Variants in TTLL9 observed in about 807,000 individuals in gnomAD.
TTLL9 encodes probable tubulin polyglutamylase TTLL9.
TTLL9 carries 47 observed loss-of-function variants against 65.6 expected under a neutral mutation model. That is an observed-to-expected ratio of 0.72 (90% CI 0.57 to 0.91). The LOEUF is 0.91. Among genes scored for constraint, TTLL9 ranks in the 40% least tolerant of loss-of-function variants. The probability of loss-of-function intolerance (pLI) is 0.00; values close to 1 mark genes in which losing one functional copy is unlikely to be tolerated. For synonymous variants in TTLL9, 179 were observed against 204.8 expected (o/e 0.87, Z 1.07); for missense variants, 537 against 568.8 (o/e 0.94, Z 0.57).
At chr20:31,890,470 G>A (rs750132677) in intron 3 of TTLL9, among the ~76,000 whole-genome samples, 8 of 151,942 alleles carry the variant, frequency 5.3e-5, no homozygotes, top group South Asian at 2.1e-4. Flanking sequence ...ATTGTGTATC[G>A]CAAGTTATTT....
At chr20:31,913,476 C>G (rs1243517279) in intron 6 of TTLL9, among the ~76,000 whole-genome samples, 1 of 152,242 alleles carries the variant, frequency 6.6e-6, no homozygotes, top group African/African-American at 2.4e-5. Context: ...CAAGGCCTGT[C>G]TTTGTGACAT....
intron 13 of TTLL9, 53 bp downstream of exon 13, chr20:31,937,562 C>A: frequency 6.8e-7 from 1 of 1,461,832 alleles, no homozygotes; most frequent in South Asian, 1.2e-5. Flanking sequence ...ACTGAGGCTC[C>A]CACCAAGGAA....
At chr20:31,937,354 G>A in intron 12 of TTLL9, 42 bp from the exon 13 acceptor site, 4 of 1,491,524 alleles carry the variant, frequency 2.7e-6, no homozygotes, top group Non-Finnish European at 3.7e-6. Flanking sequence ...GGGCTCCAGG[G>A]ACCGAGTAAC....
intron 2 of TTLL9, among the ~76,000 whole-genome samples, chr20:31,885,616 G>C (rs973148196): frequency 6.6e-6 from 1 of 152,168 alleles, no homozygotes; most frequent in Non-Finnish European, 1.5e-5. Context: ...TGTTTCAGTG[G>C]GGCTTGCTTC....
At chr20:31,898,850 A>C (rs1187820272) in intron 4 of TTLL9, among the ~76,000 whole-genome samples, 1 of 152,224 alleles carries the variant, frequency 6.6e-6, no homozygotes, top group Non-Finnish European at 1.5e-5. Flanking sequence ...AAACCCAGGC[A>C]CGTTTGTGTC....
chr20:31,880,915 T>G (rs1218669515), intron 2 of TTLL9, among the ~76,000 whole-genome samples: 2 of 139,228 alleles, frequency 1.4e-5, no homozygotes, highest in Non-Finnish European at 3.0e-5. Context: ...AGTGCAGTGG[T>G]GTTATCTTGG....
At chr20:31,925,698 G>A (rs2063890384) in intron 9 of TTLL9, among the ~76,000 whole-genome samples, 1 of 152,196 alleles carries the variant, frequency 6.6e-6, no homozygotes, top group African/African-American at 2.4e-5. Flanking sequence ...CCTGGGGAAA[G>A]GAGGGGATAG....
intron 6 of TTLL9, among the ~76,000 whole-genome samples, chr20:31,917,220 G>A (rs1443474703): frequency 6.6e-6 from 1 of 152,010 alleles, no homozygotes; most frequent in Non-Finnish European, 1.5e-5. Flanking sequence ...GCCCTCTCAG[G>A]CCCCTTTCCA....
intron 2 of TTLL9, among the ~76,000 whole-genome samples, chr20:31,878,947 T>A (rs1394423592): frequency 1.3e-5 from 2 of 152,180 alleles, no homozygotes; most frequent in East Asian, 3.8e-4. Flanking sequence ...GTAACCCACA[T>A]CTTTATTAAG....
At position 31,909,775 on chromosome 20, in the gene TTLL9, G is replaced by C. The variant is rs762241332; in HGVS notation, c.357G>C (p.Arg119=). The part of the protein sequence containing the change: ...RKNYMVKNLK[R]FRKQLEREAG... ...ACTACATGGTGAAGAACCTGAAGCG[G>C]TTCCGGAAGCAGCTGGAGCGTGAGG... Residue 119 remains arginine (R), a synonymous_variant, in exon 6 of 15, where the codon CGG becomes CGC. Transcript: ENST00000535842. The C allele has an allele frequency of 1.9e-6, 3 of 1,614,206 alleles. No homozygotes were observed. In the East Asian group the frequency reaches 6.7e-5, roughly 36 times the overall value.
chr20:31,889,421 T>C, intron 3 of TTLL9, among the ~76,000 whole-genome samples: 1 of 147,242 alleles, frequency 6.8e-6, no homozygotes, highest in African/African-American at 2.6e-5. Flanking sequence ...CCAGTGCACC[T>C]GGCTAATTTT....
chr20:31,933,032 A>G (rs2123618416), intron 10 of TTLL9, among the ~76,000 whole-genome samples: 1 of 152,352 alleles, frequency 6.6e-6, no homozygotes, highest in Non-Finnish European at 1.5e-5. Context: ...TGGGGAAGCC[A>G]TCCTGCTTAG....
intron 12 of TTLL9, among the ~76,000 whole-genome samples, chr20:31,936,557 C>T (rs1600627759): frequency 6.6e-6 from 1 of 152,248 alleles, no homozygotes; most frequent in East Asian, 1.9e-4. Flanking sequence ...CAGGGCGGCA[C>T]TCTCCTGGGG....
Position 31,943,658 on chromosome 20 carries a change from T to C in TTLL9, c.*637T>C. The C allele has an allele frequency of 2.2e-6, 1 of 450,232 alleles. No individual in the cohort carries two copies. Among genetic ancestry groups the C allele is most frequent in the Non-Finnish European group, 4.5e-6 (1 of 222,452 alleles). The allele number at this position is 450,232 out of a possible 1,614,324, so 27.9% of individuals were successfully genotyped here. A position where few individuals can be genotyped will look rare whatever the true frequency, so the allele number is the denominator to read the frequency against. On this transcript the variant is annotated 3_prime_UTR_variant, in exon 15 of 15. Transcript: ENST00000535842. The stretch of plus-strand genomic sequence containing the variant: ...ATCTGAAAACCAGTGGGACAGGGCA[T>C]CCCCATTTCTCAGATGGACAAGACA...
Position 31,934,695 on chromosome 20 carries a change from T to C in TTLL9, c.811T>C (p.Cys271Arg). 1 of 1,609,984 alleles carries C rather than the reference T, an allele frequency of 6.2e-7. No individual in the cohort carries two copies. The change falls in exon 12 of 15, where the codon TGC (cysteine) becomes CGC (arginine). Residue 271 changes from cysteine to arginine, a missense_variant. Physicochemically the swap from Cys to Arg is radical, Grantham distance 180. This residue lies in a region of TTLL9 where 205 missense variants were observed against 225.9 expected (regional missense o/e 0.91). Coordinates refer to ENST00000535842, the MANE Select transcript of TTLL9 (RefSeq NM_001008409.5). ...TSPDYHPKKG[C>R]KWTLQRFRQY... ...GACCCGGCTGCCCGGGGCCCAGGGC[T>C]GCAAGTGGACGCTGCAGCGCTTCCG...
In TTLL9 at chr20:31,943,533, T is replaced by G; in HGVS notation, c.*512T>G. 1 of 343,866 alleles carries G rather than the reference T, an allele frequency of 2.9e-6. No homozygotes were observed. The highest frequency in any genetic ancestry group is 2.3e-5 in the South Asian group (1 of 43,852). 21.3% of individuals were successfully genotyped at this position (343,866 alleles called of 1,614,324 possible). ...GCTGTGCTTACACAGCAAGCAGTTA[T>G]TAGATTGTGTGTTTATTGGGGGCCT... On this transcript the variant is annotated 3_prime_UTR_variant, in exon 15 of 15. Coordinates refer to ENST00000535842, the MANE Select transcript of TTLL9 (RefSeq NM_001008409.5).
At chr20:31,879,950 A>G in intron 2 of TTLL9, 2 of 1,318,400 alleles carry the variant, frequency 1.5e-6, no homozygotes, top group Non-Finnish European at 2.0e-6. Context: ...AAAGGGAGGA[A>G]AGCAGCAGAG....
At chr20:31,873,813 GAAGGAAGGAAGAAAGAAAGA>G (rs1208033507) in intron 2 of TTLL9, among the ~76,000 whole-genome samples, 7,490 of 96,782 alleles carry the variant, frequency 0.077, 254 homozygotes, top group Non-Finnish European at 0.1. Context: ...AGGAAGGAAG[GAAGGAAGGAAGAAAGAAAGA>G]AAGAAAGAAA....
At chr20:31,893,221 C>A (rs1245074992) in intron 3 of TTLL9, among the ~76,000 whole-genome samples, 1 of 151,552 alleles carries the variant, frequency 6.6e-6, no homozygotes, top group Non-Finnish European at 1.5e-5. Flanking sequence ...TTTCTTTAAG[C>A]ACTTGAAAGA....
Sources: allele counts gnomAD v4.1 joint callset (sites outside exome capture counted in the v4.1 genomes callset), GRCh38; gene constraint gnomAD v4.1.1; regional missense constraint gnomAD v4.1.1; transcripts MANE v1.5; gene names NCBI Gene and HGNC (gene_info 2026-07-23, HGNC 2026-07-21).